DTNBP1: variants seen among roughly 807,000 people sequenced by gnomAD.
DTNBP1 encodes dystrobrevin binding protein 1, also known as dysbindin.
DTNBP1 carries 35 observed loss-of-function variants against 42.8 expected under a neutral mutation model. The ratio of observed to expected loss-of-function variants is 0.82; its 90% CI spans 0.63 to 1.09. The LOEUF (loss-of-function observed/expected upper bound fraction) is 1.09. Ranked by LOEUF, DTNBP1 falls within the 50% of genes least tolerant of loss-of-function variation. The probability of loss-of-function intolerance (pLI) is 0.00; values close to 1 mark genes in which losing one functional copy is unlikely to be tolerated. For synonymous variants in DTNBP1, 171 were observed against 162.2 expected (o/e 1.05, Z -0.41); for missense variants, 457 against 424.2 (o/e 1.08, Z -0.68).
rs9396594 is a variant in DTNBP1 at position 15,609,995 on chromosome 6, G to T, written c.488+5272C>A. ...TGCCGGAGTTCTGGGACCTACTGGG[G>T]AAAAGGGCCTAAACAGTCTTATTGT... On this transcript the variant is annotated intron_variant, in intron 6 of 9. Coordinates refer to ENST00000344537, the MANE Select transcript of DTNBP1 (RefSeq NM_032122.5). 3.9e-5 allele frequency among the ~76,000 whole-genome samples: 6 copies of T among 152,280 alleles called. No individual in the cohort carries two copies. The East Asian group carries it at 1.2e-3, about 29-fold the overall frequency.
intron 1 of DTNBP1, among the ~76,000 whole-genome samples, chr6:15,662,294 G>C (rs1358115803): frequency 6.6e-6 from 1 of 152,200 alleles, no homozygotes; most frequent in Non-Finnish European, 1.5e-5. Context: ...GGGTTAGGCC[G>C]GCGAGCCGGG....
At chr6:15,585,536 GAACT>G (rs1776045642) in intron 7 of DTNBP1, among the ~76,000 whole-genome samples, 1 of 151,442 alleles carries the variant, frequency 6.6e-6, no homozygotes, top group African/African-American at 2.4e-5. Context: ...GTAATAGAAA[GAACT>G]AATAATGCTC....
intron 7 of DTNBP1, among the ~76,000 whole-genome samples, chr6:15,565,267 G>T (rs1026900443): frequency 6.6e-6 from 1 of 152,190 alleles, no homozygotes; most frequent in African/African-American, 2.4e-5. Flanking sequence ...CTGGAAAATG[G>T]TTTGTCAATT....
chr6:15,629,301 T>A (rs1759548919), intron 4 of DTNBP1, among the ~76,000 whole-genome samples: 1 of 152,156 alleles, frequency 6.6e-6, no homozygotes, highest in African/African-American at 2.4e-5. Flanking sequence ...TAACTTCAGA[T>A]TTTAAACTCT....
intron 8 of DTNBP1, among the ~76,000 whole-genome samples, chr6:15,528,856 G>C (rs1342293314): frequency 6.6e-6 from 1 of 152,150 alleles, no homozygotes; most frequent in African/African-American, 2.4e-5. Flanking sequence ...CAAATCCTCA[G>C]GCCCCACCTC....
intron 7 of DTNBP1, among the ~76,000 whole-genome samples, chr6:15,536,364 C>T (rs1773227183): frequency 6.6e-6 from 1 of 152,240 alleles, no homozygotes; most frequent in Admixed American, 6.5e-5. Flanking sequence ...GTTTTGTGGG[C>T]CAGGCCCAGG....
At chr6:15,533,416 G>A in intron 7 of DTNBP1, 21 bp from the exon 8 acceptor site, 1 of 1,614,176 alleles carries the variant, frequency 6.2e-7, no homozygotes, top group South Asian at 1.1e-5. Context: ...AGAATAACTG[G>A]GGTTAGGGTT....
At chr6:15,561,089 G>C (rs879543383) in intron 7 of DTNBP1, among the ~76,000 whole-genome samples, 1 of 152,154 alleles carries the variant, frequency 6.6e-6, no homozygotes, top group Non-Finnish European at 1.5e-5. Context: ...CTAGAACCTA[G>C]CCTTGTCTGT....
chr6:15,640,434 C>T lies in DTNBP1; in HGVS notation c.162-2630G>A, dbSNP rs552385251. ...GATGATGAAATGAAGAAGCCACATTCATAATGTGTAATTCTTGCATTCAAA... is the reference window on the plus strand; with the variant it reads ...GATGATGAAATGAAGAAGCCACATTTATAATGTGTAATTCTTGCATTCAAA... On this transcript the variant is annotated intron_variant, in intron 3 of 9. Coordinates refer to ENST00000344537, the MANE Select transcript of DTNBP1 (RefSeq NM_032122.5). Among the ~76,000 whole-genome samples, 5 of 152,282 alleles carry T rather than the reference C, an allele frequency of 3.3e-5. No individual in the cohort carries two copies. In the South Asian group the frequency reaches 1.0e-3, roughly 32 times the overall value.
intron 6 of DTNBP1, among the ~76,000 whole-genome samples, chr6:15,608,493 T>C (rs1330248704): frequency 1.3e-5 from 2 of 152,206 alleles, no homozygotes; most frequent in African/African-American, 4.8e-5. Context: ...AATTGCTCTC[T>C]AGGATTGCTG....
At chr6:15,579,427 T>A (rs997720240) in intron 7 of DTNBP1, among the ~76,000 whole-genome samples, 3 of 152,144 alleles carry the variant, frequency 2.0e-5, no homozygotes, top group African/African-American at 7.2e-5. Context: ...AAATACAAAA[T>A]TACAGAGAGG....
At chr6:15,583,189 C>T (rs1479746565) in intron 7 of DTNBP1, among the ~76,000 whole-genome samples, 9 of 151,978 alleles carry the variant, frequency 5.9e-5, no homozygotes, top group Admixed American at 5.9e-4. Flanking sequence ...ATTATGTTAC[C>T]CTGGGCTGGT....
intron 6 of DTNBP1, among the ~76,000 whole-genome samples, chr6:15,601,637 G>A (rs1410577530): frequency 6.6e-6 from 1 of 151,628 alleles, no homozygotes; most frequent in Non-Finnish European, 1.5e-5. Context: ...TGAGGTCGGG[G>A]GTTCAAGACC....
chr6:15,550,301 A>G (rs1774138843), intron 7 of DTNBP1, among the ~76,000 whole-genome samples: 1 of 152,108 alleles, frequency 6.6e-6, no homozygotes, highest in African/African-American at 2.4e-5. Context: ...TTTCAAGTTT[A>G]AGAATGGGTA....
intron 7 of DTNBP1, chr6:15,546,124 G>GCGATC (rs1773865772): frequency 2.6e-6 from 1 of 388,936 alleles, no homozygotes; most frequent in Non-Finnish European, 5.0e-6. Context: ...GGAGTGCAAT[G>GCGATC]GTGCGATCTC....
intron 8 of DTNBP1, among the ~76,000 whole-genome samples, chr6:15,527,479 C>A (rs536229369): frequency 6.6e-6 from 1 of 152,014 alleles, no homozygotes; most frequent in African/African-American, 2.4e-5. Context: ...TAAAATTTAC[C>A]CAGAAATTAT....
At chr6:15,624,820 A>G (rs1241349864) in intron 5 of DTNBP1, among the ~76,000 whole-genome samples, 2 of 152,214 alleles carry the variant, frequency 1.3e-5, no homozygotes, top group African/African-American at 2.4e-5. Flanking sequence ...CTTCCAAAAA[A>G]AAAAACCCAG....
chr6:15,531,657 T>C (rs1348594667), intron 8 of DTNBP1, among the ~76,000 whole-genome samples: 1 of 152,202 alleles, frequency 6.6e-6, no homozygotes, highest in African/African-American at 2.4e-5. Flanking sequence ...TTTTTTGAGA[T>C]GGAGTCTTGC....
rs1356317171 is a variant in DTNBP1, at chr6:15,523,189, A to C, written c.842T>G (p.Ile281Ser). ...TGAGGGATTTGGAACCTGGAGGGTA[A>C]TCTCATTCTGACAGGTACTGGATTC... Reference protein sequence around the residue: ...GPESSTCQNEITLQVPNPSEL... With the variant: ...GPESSTCQNESTLQVPNPSEL... Residue 281 changes from isoleucine (I) to serine (S), a missense_variant, in exon 10 of 10, where the codon ATT (isoleucine) becomes AGT (serine). By Grantham distance (142) the Ile-to-Ser change is moderately radical. Coordinates refer to ENST00000344537, the MANE Select transcript of DTNBP1 (RefSeq NM_032122.5). The C allele has an allele frequency of 6.2e-7, 1 of 1,614,232 alleles. No homozygotes were observed. The highest frequency in any genetic ancestry group is 8.5e-7 in the Non-Finnish European group (1 of 1,180,032).
Sources: allele counts gnomAD v4.1 joint callset (sites outside exome capture counted in the v4.1 genomes callset), GRCh38; gene constraint gnomAD v4.1.1; transcripts MANE v1.5; gene names NCBI Gene and HGNC (gene_info 2026-07-23, HGNC 2026-07-21).